Variants in LHFPL6 observed in about 807,000 individuals in gnomAD.
LHFPL6 encodes the protein LHFPL tetraspan subfamily member 6.
In LHFPL6, 9 loss-of-function variants were observed where a neutral mutation model predicts 20.6. The ratio of observed to expected loss-of-function variants is 0.44; its 90% CI spans 0.26 to 0.76. The LOEUF is 0.76. Ranked by LOEUF, LHFPL6 falls within the 30% of genes least tolerant of loss-of-function variation. The pLI, the probability that LHFPL6 is intolerant of heterozygous loss-of-function variation, is 0.20. For missense variants in LHFPL6, 218 were observed against 253.5 expected, an observed-to-expected ratio of 0.86 and a Z score of 0.95; for synonymous variants, 105 against 98.7, an observed-to-expected ratio of 1.06 and a Z score of -0.38.
In LHFPL6 at chr13:39,392,769, C is replaced by T. The variant is rs982011431; in HGVS notation, c.386-14243G>A. 5.9e-5 allele frequency among the ~76,000 whole-genome samples: 9 copies of T among 151,598 alleles called. No individual in the cohort carries two copies. The South Asian group carries it at 1.0e-3, about 18-fold the overall frequency. On this transcript the variant is annotated intron_variant, in intron 2 of 3. Transcript: ENST00000379589. ...AGTTGTATACCCAGGAATCAAAGCA[C>T]GAGATACATTTTAAGGTATTTTTTA...
intron 2 of LHFPL6, among the ~76,000 whole-genome samples, chr13:39,573,723 A>G (rs1217697741): frequency 1.3e-5 from 2 of 151,606 alleles, no homozygotes. Flanking sequence ...ATAACTAAAG[A>G]AAAAAAAAGA....
At chr13:39,457,042 C>T (rs569833818) in intron 2 of LHFPL6, among the ~76,000 whole-genome samples, 159 of 152,184 alleles carry the variant, frequency 1.0e-3, no homozygotes, top group Middle Eastern at 3.4e-3. Flanking sequence ...TCAAGTGATC[C>T]GCCAGCCTCG....
chr13:39,570,432 C>A (rs1871878253), intron 2 of LHFPL6, among the ~76,000 whole-genome samples: 1 of 152,034 alleles, frequency 6.6e-6, no homozygotes, highest in African/African-American at 2.4e-5. Flanking sequence ...GCATAAGCCA[C>A]CACGCCTGGC....
At chr13:39,430,637 C>A (rs1374995337) in intron 2 of LHFPL6, among the ~76,000 whole-genome samples, 1 of 152,182 alleles carries the variant, frequency 6.6e-6, no homozygotes, top group Non-Finnish European at 1.5e-5. Flanking sequence ...TAAAGTTTTG[C>A]AAACGCACCA....
intron 2 of LHFPL6, among the ~76,000 whole-genome samples, chr13:39,542,976 C>T (rs1312921492): frequency 6.6e-6 from 1 of 152,302 alleles, no homozygotes; most frequent in East Asian, 1.9e-4. Flanking sequence ...TTTTCATCTT[C>T]CCAAATGGAA....
intron 2 of LHFPL6, among the ~76,000 whole-genome samples, chr13:39,533,204 T>C (rs1411722178): frequency 1.3e-5 from 2 of 152,224 alleles, no homozygotes; most frequent in Non-Finnish European, 2.9e-5. Context: ...CTTACCCATA[T>C]CTGGGTATGT....
chr13:39,434,543 T>C (rs1433941772), intron 2 of LHFPL6, among the ~76,000 whole-genome samples: 1 of 152,168 alleles, frequency 6.6e-6, no homozygotes, highest in Non-Finnish European at 1.5e-5. Flanking sequence ...AGTTAAATTG[T>C]TTTTAAACTT....
intron 2 of LHFPL6, among the ~76,000 whole-genome samples, chr13:39,437,615 T>C (rs1287721165): frequency 6.6e-6 from 1 of 152,132 alleles, no homozygotes; most frequent in Non-Finnish European, 1.5e-5. Context: ...AGTGCAAGAA[T>C]TAAATAGGCC....
chr13:39,359,457 A>G (rs1177092217), intron 3 of LHFPL6, among the ~76,000 whole-genome samples: 2 of 152,016 alleles, frequency 1.3e-5, no homozygotes, highest in Non-Finnish European at 2.9e-5. Context: ...ATATACAAAT[A>G]CCCCATGGAA....
intron 2 of LHFPL6, among the ~76,000 whole-genome samples, chr13:39,410,622 AT>A (rs1437618191): frequency 6.6e-6 from 1 of 152,206 alleles, no homozygotes; most frequent in Non-Finnish European, 1.5e-5. Context: ...TCCAAAAAAA[AT>A]GTATGAATAA....
At chr13:39,402,465 A>G (rs958314734) in intron 2 of LHFPL6, among the ~76,000 whole-genome samples, 4 of 152,192 alleles carry the variant, frequency 2.6e-5, no homozygotes, top group Admixed American at 1.3e-4. Context: ...CCTGGCCTGA[A>G]GTGATCCTCC....
chr13:39,442,240 A>T (rs1227127732), intron 2 of LHFPL6, among the ~76,000 whole-genome samples: 1 of 152,240 alleles, frequency 6.6e-6, no homozygotes, highest in Non-Finnish European at 1.5e-5. Context: ...TATGTCAATA[A>T]GTATTCTGTT....
At chr13:39,405,218 A>G (rs1402417728) in intron 2 of LHFPL6, among the ~76,000 whole-genome samples, 1 of 152,178 alleles carries the variant, frequency 6.6e-6, no homozygotes, top group Non-Finnish European at 1.5e-5. Flanking sequence ...CACGTAGTAC[A>G]GGCTATCTAT....
intron 1 of LHFPL6, among the ~76,000 whole-genome samples, chr13:39,601,784 T>G (rs1872956864): frequency 6.6e-6 from 1 of 152,236 alleles, no homozygotes; most frequent in Non-Finnish European, 1.5e-5. Flanking sequence ...TGCAAGTTCA[T>G]GCTCATAGTT....
At chr13:39,403,278 A>T (rs750553117) in intron 2 of LHFPL6, among the ~76,000 whole-genome samples, 9 of 152,190 alleles carry the variant, frequency 5.9e-5, no homozygotes, top group Non-Finnish European at 7.4e-5. Flanking sequence ...TTTCCTCCTT[A>T]TTTCCTTGCT....
chr13:39,564,529 C>A (rs1871651335), intron 2 of LHFPL6, among the ~76,000 whole-genome samples: 1 of 152,038 alleles, frequency 6.6e-6, no homozygotes, highest in African/African-American at 2.4e-5. Flanking sequence ...TTGTGATGCA[C>A]CACCCGTAGC....
At chr13:39,474,879 G>C (rs1414670176) in intron 2 of LHFPL6, among the ~76,000 whole-genome samples, 2 of 152,170 alleles carry the variant, frequency 1.3e-5, no homozygotes, top group Non-Finnish European at 2.9e-5. Context: ...CCCATGGGGA[G>C]TAGGGGAGGG....
intron 2 of LHFPL6, among the ~76,000 whole-genome samples, chr13:39,437,341 C>G (rs1162384522): frequency 1.3e-5 from 2 of 152,110 alleles, no homozygotes; most frequent in African/African-American, 2.4e-5. Flanking sequence ...CACCATCACC[C>G]TTGGTGCTGT....
At chr13:39,379,949 A>T (rs565839949) in intron 2 of LHFPL6, among the ~76,000 whole-genome samples, 85 of 152,316 alleles carry the variant, frequency 5.6e-4, no homozygotes, top group African/African-American at 2.0e-3. Context: ...CATAAATATG[A>T]ATTATGTTGA....
Sources: allele counts gnomAD v4.1 joint callset (sites outside exome capture counted in the v4.1 genomes callset), GRCh38; gene constraint gnomAD v4.1.1; transcripts MANE v1.5; gene names NCBI Gene and HGNC (gene_info 2026-07-23, HGNC 2026-07-21).